The following COL4A4 variants were observed in gnomAD, a reference collection of about 807,000 sequenced individuals.
COL4A4 encodes collagen type IV alpha 4 chain, also known as collagen alpha-4(IV) chain.
Under a neutral mutation model 192.9 loss-of-function variants are expected in COL4A4, and 105 were observed. The ratio of observed to expected loss-of-function variants is 0.54; its 90% CI spans 0.46 to 0.64. COL4A4 has a LOEUF of 0.64. COL4A4 is among the 30% of genes least tolerant of loss of function. COL4A4 has a pLI of 0.00. For synonymous variants in COL4A4, 762 were observed against 769.9 expected (o/e 0.99, Z 0.17); for missense variants, 1,967 against 2,169.3 (o/e 0.91, Z 1.85).
At chr2:227,038,414 C>G (rs557523383) in intron 37 of COL4A4, among the ~76,000 whole-genome samples, 1 of 152,230 alleles carries the variant, frequency 6.6e-6, no homozygotes, top group African/African-American at 2.4e-5. Context: ...CTGTTTTGTT[C>G]CATTGGTCAA....
intron 1 of COL4A4, among the ~76,000 whole-genome samples, chr2:227,153,933 C>A (rs751917965): frequency 4.3e-4 from 66 of 152,318 alleles, no homozygotes; most frequent in Admixed American, 1.2e-3. Context: ...CTGACCTCTG[C>A]AGCCCAGTTG....
intron 1 of COL4A4, among the ~76,000 whole-genome samples, chr2:227,160,719 T>C (rs1314745482): frequency 6.6e-6 from 1 of 152,200 alleles, no homozygotes; most frequent in Non-Finnish European, 1.5e-5. Flanking sequence ...GATAATTACA[T>C]AGAAGATGAG....
chr2:226,984,046 T>C, the COL4A4 span, among the ~76,000 whole-genome samples: 1 of 152,142 alleles, frequency 6.6e-6, no homozygotes, highest in African/African-American at 2.4e-5. Flanking sequence ...GGAGCTGCTG[T>C]CTCCGGCAAT....
intron 4 of COL4A4, among the ~76,000 whole-genome samples, chr2:227,125,758 C>T (rs1450544187): frequency 3.3e-5 from 5 of 152,110 alleles, no homozygotes; most frequent in Non-Finnish European, 7.4e-5. Flanking sequence ...GAAAGATTCC[C>T]CTGATCTCCT....
Position 227,162,191 on chromosome 2 carries a change from A to C in COL4A4, c.-102+1816T>G, listed in dbSNP as rs145496394. On this transcript the variant is annotated intron_variant, in intron 1 of 47. Coordinates refer to ENST00000396625, the MANE Select transcript of COL4A4 (RefSeq NM_000092.5). ...TCTTTCTTGCTGTATTTACATCACA[A>C]GTTTCTTTCCAGCTCTGTATCTGCA... 7.2e-5 allele frequency among the ~76,000 whole-genome samples: 11 copies of C among 152,318 alleles called. No homozygotes were observed. In the East Asian group the frequency reaches 2.1e-3, roughly 29 times the overall value.
intron 44 of COL4A4, among the ~76,000 whole-genome samples, chr2:227,016,641 A>G (rs531339680): frequency 3.9e-5 from 6 of 152,058 alleles, no homozygotes; most frequent in Non-Finnish European, 5.9e-5. Context: ...CGCCCCACTG[A>G]TTGTAAAGTC....
rs1021953489 is a variant in COL4A4 at position 227,088,952 on chromosome 2, C to G, written c.1460-136G>C. 16 of 1,040,594 alleles carry G rather than the reference C, an allele frequency of 1.5e-5. No individual in the cohort carries two copies. The East Asian group carries it at 2.3e-4, about 15-fold the overall frequency. 64.5% of individuals were successfully genotyped at this position (1,040,594 alleles called of 1,614,324 possible). A position where few individuals can be genotyped will look rare whatever the true frequency, so the allele number is the denominator to read the frequency against. On this transcript the variant is annotated intron_variant, in intron 21 of 47. Coordinates refer to ENST00000396625, the MANE Select transcript of COL4A4 (RefSeq NM_000092.5). ...CACTTCTTGCAGACAATTGAGAGCA[C>G]GTGCTGTGGGGGCTGGGTGTGGCAT...
At chr2:227,013,349 A>G (rs1964213552) in intron 44 of COL4A4, among the ~76,000 whole-genome samples, 1 of 151,990 alleles carries the variant, frequency 6.6e-6, no homozygotes, top group South Asian at 2.1e-4. Context: ...CAAATTTCAT[A>G]TGTTGAAGTC....
intron 42 of COL4A4, among the ~76,000 whole-genome samples, chr2:227,027,662 A>T (rs527239125): frequency 2.2e-4 from 34 of 151,530 alleles, no homozygotes; most frequent in African/African-American, 4.8e-4. Context: ...GAAAAAAATT[A>T]AAAAATAAAG....
chr2:227,042,180 T>TCC lies in COL4A4; in HGVS notation c.3471_3472dup (p.Asp1158GlyfsTer11). ...TCCCGGAGGACCTGGTATCCCTGGATCCCCCTGGAGGCCTCTTGGCCCAGG... is the reference window on the plus strand; with the variant it reads ...TCCCGGAGGACCTGGTATCCCTGGATCCCCCCCTGGAGGCCTCTTGGCCCAGG... On this transcript the variant is annotated frameshift_variant, in exon 37 of 48. Transcript: ENST00000396625. LOFTEE classifies it high-confidence loss of function. 6.2e-7 allele frequency: 1 copy of TCC among 1,612,696 alleles called. No individual in the cohort carries two copies. Among genetic ancestry groups the TCC allele is most frequent in the Non-Finnish European group, 8.5e-7 (1 of 1,178,742 alleles).
At chr2:227,041,991 C>T (rs1971564747) in intron 37 of COL4A4, among the ~76,000 whole-genome samples, 157 bp downstream of exon 37, 2 of 152,208 alleles carry the variant, frequency 1.3e-5, no homozygotes, top group African/African-American at 4.8e-5. Context: ...CTACCTGCAG[C>T]CCTGGCTAAG....
the COL4A4 span, among the ~76,000 whole-genome samples, chr2:226,979,386 C>T: frequency 1.3e-5 from 2 of 152,170 alleles, no homozygotes; most frequent in African/African-American, 2.4e-5. Context: ...TTCCTGTTAA[C>T]AGGCCCCCAT....
chr2:227,149,571 C>G (rs977680879), intron 1 of COL4A4, among the ~76,000 whole-genome samples: 3 of 152,108 alleles, frequency 2.0e-5, no homozygotes, highest in African/African-American at 7.2e-5. Flanking sequence ...TCAATAAAAA[C>G]AAATTCTTGT....
At chr2:227,107,905 G>C (rs558253916) in intron 12 of COL4A4, among the ~76,000 whole-genome samples, 8 of 151,784 alleles carry the variant, frequency 5.3e-5, no homozygotes, top group South Asian at 2.1e-4. Context: ...CTACAGGCAC[G>C]CACCACCACG....
chr2:227,111,563 A>G, intron 9 of COL4A4, 115 bp downstream of exon 9: 1 of 1,130,410 alleles, frequency 8.8e-7, no homozygotes, highest in South Asian at 1.3e-5. Flanking sequence ...CCACATTTTC[A>G]TTTTGCACTA....
intron 44 of COL4A4, among the ~76,000 whole-genome samples, chr2:227,015,738 A>G (rs1964725094): frequency 6.6e-6 from 1 of 152,224 alleles, no homozygotes; most frequent in African/African-American, 2.4e-5. Flanking sequence ...AAATTATGGC[A>G]CAATCAGATA....
chr2:227,019,989 T>C (rs1251750982), intron 44 of COL4A4, among the ~76,000 whole-genome samples: 2 of 152,214 alleles, frequency 1.3e-5, no homozygotes, highest in Non-Finnish European at 2.9e-5. Context: ...TTAACATGAA[T>C]TGTGTAATAA....
chr2:227,072,699 C>A (rs2058791303), intron 25 of COL4A4, among the ~76,000 whole-genome samples: 1 of 151,998 alleles, frequency 6.6e-6, no homozygotes. Flanking sequence ...AAAGAGAATT[C>A]ATCATGATCA....
rs865923173 is a variant in COL4A4 at position 227,030,548 on chromosome 2, C to T, written c.3868G>A (p.Glu1290Lys). The stretch of plus-strand genomic sequence containing the variant: ...CCTGGTAGACCACAGTCACCTGGCT[C>T]CCCTCTCAGAAGGTCAACACTCCCA... ...LPGSVDLLRGEPGDCGLPGPP... is the reference protein window; with the variant it reads ...LPGSVDLLRGKPGDCGLPGPP... The change falls in exon 41 of 48, where the codon GAG becomes AAG. Residue 1290 changes from glutamate to lysine, a missense_variant. Glu to Lys is a moderately conservative substitution (Grantham distance 56). Coordinates refer to ENST00000396625, the MANE Select transcript of COL4A4 (RefSeq NM_000092.5). 6.2e-7 allele frequency: 1 copy of T among 1,614,048 alleles called. No homozygotes were observed. The highest frequency in any genetic ancestry group is 1.3e-5 in the African/African-American group (1 of 75,046).
Sources: allele counts gnomAD v4.1 joint callset (sites outside exome capture counted in the v4.1 genomes callset), GRCh38; gene constraint gnomAD v4.1.1; transcripts MANE v1.5; gene names NCBI Gene and HGNC (gene_info 2026-07-23, HGNC 2026-07-21).